Variants in FCHSD1 observed in about 807,000 individuals in gnomAD.
The protein encoded by FCHSD1 is F-BAR and double SH3 domains protein 1.
Under a neutral mutation model 101.3 loss-of-function variants are expected in FCHSD1, and 109 were observed. The ratio of observed to expected loss-of-function variants is 1.08; its 90% CI spans 0.92 to 1.26. FCHSD1 has a LOEUF of 1.26. Among genes scored for constraint, FCHSD1 ranks in the 50% most tolerant of loss-of-function variants. The pLI is 0.00. For missense variants in FCHSD1, 820 were observed against 895.8 expected (o/e 0.92, Z 1.08); for synonymous variants, 291 against 356.8 (o/e 0.82, Z 2.08).
intron 3 of FCHSD1, 134 bp from the exon 4 acceptor site, chr5:141,650,088 G>T: frequency 2.1e-6 from 2 of 961,708 alleles, no homozygotes; most frequent in Non-Finnish European, 3.1e-6. Flanking sequence ...ATGCCTTATA[G>T]TCATTAATTT....
rs146759562 is a variant in FCHSD1 at position 141,643,539 on chromosome 5, G to A, written c.1864-451C>T. On this transcript the variant is annotated intron_variant, in intron 17 of 19. Transcript: ENST00000435817. ...GATATCTTATATTGAAACACCTTCTGCATTCCACTGCACTAAAGGCTTTGC... is the reference window on the plus strand; with the variant it reads ...GATATCTTATATTGAAACACCTTCTACATTCCACTGCACTAAAGGCTTTGC... Among the ~76,000 whole-genome samples the A allele has an allele frequency of 1.7e-3, 263 of 152,294 alleles. 2 individuals carry two copies. Among genetic ancestry groups the A allele is most frequent in the African/African-American group, 6.1e-3 (252 of 41,560 alleles).
chr5:141,648,774 C>T (rs73794957), intron 7 of FCHSD1, among the ~76,000 whole-genome samples, 183 bp downstream of exon 7: 1,980 of 152,272 alleles, frequency 0.013, 39 homozygotes, highest in African/African-American at 0.046. Flanking sequence ...AGGGTATTCT[C>T]TCCATTTTAT....
chr5:141,644,759 C>T, intron 15 of FCHSD1, 69 bp from the exon 16 acceptor site: 1 of 1,606,776 alleles, frequency 6.2e-7, no homozygotes, highest in Non-Finnish European at 8.5e-7. Flanking sequence ...CTCTCTTCTA[C>T]TCAGGCTTCT....
rs758315339 is a variant in FCHSD1, at chr5:141,647,196, T to C, written c.863A>G (p.Gln288Arg). The C allele has an allele frequency of 1.9e-6, 3 of 1,609,480 alleles. No individual in the cohort carries two copies. The highest frequency in any genetic ancestry group is 3.3e-4 in the Middle Eastern group (2 of 6,052). Residue 288 changes from glutamine to arginine, a missense_variant, in exon 10 of 20, where the codon CAG (glutamine) becomes CGG (arginine). By Grantham distance (43) the Gln-to-Arg change is conservative (BLOSUM62 1). Transcript: ENST00000435817. ...GGTGGGGGAAAATACACCAGGCTCC[T>C]GAAGAAACAGCTTCAGGTCTTGCTC... ...SWEQDLKLFL[Q>R]EPGVFSPTPP...
In FCHSD1 at chr5:141,641,215, G is replaced by T. The variant is rs1216938229; in HGVS notation, c.*283C>A. The T allele has an allele frequency of 5.3e-6, 2 of 379,048 alleles. No homozygotes were observed. The highest frequency in any genetic ancestry group is 9.4e-6 in the Non-Finnish European group (2 of 212,540). The allele number at this position is 379,048 out of a possible 1,614,324, so 23.5% of individuals were successfully genotyped here. ...GCCAGAACTACTAGAGACCTTGATG[G>T]ATGGTTTCCAGCCCCAGAGATTTCA... On this transcript the variant is annotated 3_prime_UTR_variant, in exon 20 of 20. Coordinates refer to ENST00000435817, the MANE Select transcript of FCHSD1 (RefSeq NM_033449.3).
Position 141,649,268 on chromosome 5 carries a change from T to C in FCHSD1, c.416A>G (p.Gln139Arg). The change falls in exon 6 of 20, where the codon CAG (glutamine) becomes CGG (arginine). Residue 139 changes from glutamine (Q) to arginine (R), a missense_variant. Physicochemically the swap from Gln to Arg is conservative, Grantham distance 43. Coordinates refer to ENST00000435817, the MANE Select transcript of FCHSD1 (RefSeq NM_033449.3). The surrounding 1 kb of genome is among the most constrained non-coding windows in gnomAD (Gnocchi z 4.1). ...NLQRAQAEVL[Q>R]SVRELSRSRK... ...ACTTCGGCTCAGCTCCCGGACAGACTGCAGCACCTCAGCCTGCGCCCTCTG... is the reference window on the plus strand; with the variant it reads ...ACTTCGGCTCAGCTCCCGGACAGACCGCAGCACCTCAGCCTGCGCCCTCTG... 6.2e-7 allele frequency: 1 copy of C among 1,614,014 alleles called. No individual in the cohort carries two copies. Among genetic ancestry groups the C allele is most frequent in the Non-Finnish European group, 8.5e-7 (1 of 1,179,888 alleles).
chr5:141,647,368 G>T, intron 9 of FCHSD1, 30 bp downstream of exon 9: 1 of 1,577,514 alleles, frequency 6.3e-7, no homozygotes, highest in East Asian at 2.3e-5. Flanking sequence ...AAGGATCCCC[G>T]GGGAAGCTCT....
At chr5:141,648,823 C>A in intron 7 of FCHSD1, 134 bp downstream of exon 7, 1 of 989,788 alleles carries the variant, frequency 1.0e-6, no homozygotes, top group Admixed American at 2.2e-5. Flanking sequence ...GTAAATTAAC[C>A]AAGGTTACCC....
chr5:141,647,348 G>C (rs1308290960), intron 9 of FCHSD1, 50 bp downstream of exon 9: 1 of 1,573,708 alleles, frequency 6.4e-7, no homozygotes, highest in Non-Finnish European at 8.6e-7. Context: ...CATTGGGAGG[G>C]AAGGGTAAAA....
At chr5:141,650,321 C>T (rs761890460) in intron 3 of FCHSD1, 38 bp downstream of exon 3, 1 of 1,613,502 alleles carries the variant, frequency 6.2e-7, no homozygotes, top group East Asian at 2.2e-5. Context: ...ATAAGAGAGG[C>T]TGGAACAAGA....
intron 18 of FCHSD1, chr5:141,642,256 A>G (rs1356637655): frequency 1.8e-6 from 1 of 554,066 alleles, no homozygotes; most frequent in Non-Finnish European, 3.2e-6. Flanking sequence ...GAAACAGAAA[A>G]CCAAATATTG....
At position 141,647,237 on chromosome 5, in the gene FCHSD1, G is replaced by A. The variant is rs748298402; in HGVS notation, c.829-7C>T. Reference sequence around the variant, plus strand: ...GGTCTTGCTCCCAGCTTACCTAGGGGTTGGGAAAAGTCAAAGTCACTCATT... The same window carrying A: ...GGTCTTGCTCCCAGCTTACCTAGGGATTGGGAAAAGTCAAAGTCACTCATT... On this transcript the variant is annotated splice_region_variant and splice_polypyrimidine_tract_variant and intron_variant, in intron 9 of 19. Transcript: ENST00000435817. 6.3e-7 allele frequency: 1 copy of A among 1,598,736 alleles called. No individual in the cohort carries two copies. Among genetic ancestry groups the A allele is most frequent in the Non-Finnish European group, 8.5e-7 (1 of 1,172,506 alleles).
chr5:141,651,263 C>T, intron 1 of FCHSD1, 85 bp downstream of exon 1: 1 of 1,545,944 alleles, frequency 6.5e-7, no homozygotes, highest in Non-Finnish European at 8.8e-7. Context: ...TTCCGACTTC[C>T]CGTCTCCTAC....
At position 141,641,381 on chromosome 5, in the gene FCHSD1, G is replaced by T. The variant is rs1006835916; in HGVS notation, c.*117C>A. On this transcript the variant is annotated 3_prime_UTR_variant, in exon 20 of 20. Transcript: ENST00000435817. ...CAAGTTTCCACCCTTGGAGGTGAGG[G>T]TGGAAATAAGGGCGATTCCAGCTTT... The T allele has an allele frequency of 7.4e-6, 7 of 951,756 alleles. No individual in the cohort carries two copies. In the Admixed American group the frequency reaches 9.9e-5, roughly 13 times the overall value. The allele number at this position is 951,756 out of a possible 1,614,324, so 59.0% of individuals were successfully genotyped here. A position where few individuals can be genotyped will look rare whatever the true frequency, so the allele number is the denominator to read the frequency against.
In FCHSD1 at chr5:141,647,504, A is replaced by C; in HGVS notation, c.722T>G (p.Leu241Arg). 1 of 1,612,946 alleles carries C rather than the reference A, an allele frequency of 6.2e-7. No homozygotes were observed. Among genetic ancestry groups the C allele is most frequent in the Non-Finnish European group, 8.5e-7 (1 of 1,179,558 alleles). The change falls in exon 9 of 20, where the codon CTG (leucine) becomes CGG (arginine). Residue 241 changes from leucine (L) to arginine (R), a missense_variant. Physicochemically the swap from Leu to Arg is moderately radical, Grantham distance 102. Coordinates refer to ENST00000435817, the MANE Select transcript of FCHSD1 (RefSeq NM_033449.3). Reference protein sequence around the residue: ...PALLKALVSELSEHLRDPLTS... With the variant: ...PALLKALVSERSEHLRDPLTS... ...CAGGGGGTCCCTCAAGTGCTCTGAC[A>C]GCTCACTGACCAGGGCCTAGAGAGA...
rs780914093 is a variant in FCHSD1, at chr5:141,651,006, G to C, written c.119+14C>G. Reference sequence around the variant, plus strand: ...ACGAAGGTGAGTGTAAATGAAGGGGGTTGGGGGAGCTACCTGATGTCCTCC... The same window carrying C: ...ACGAAGGTGAGTGTAAATGAAGGGGCTTGGGGGAGCTACCTGATGTCCTCC... On this transcript the variant is annotated intron_variant, in intron 2 of 19. Transcript: ENST00000435817. The C allele has an allele frequency of 6.4e-7, 1 of 1,570,334 alleles. No homozygotes were observed. The highest frequency in any genetic ancestry group is 1.9e-5 in the Admixed American group (1 of 53,788).
At position 141,640,504 on chromosome 5, in the gene FCHSD1, A is replaced by T; in HGVS notation, c.*994T>A. The T allele has an allele frequency of 6.2e-7, 1 of 1,613,732 alleles. No homozygotes were observed. The highest frequency in any genetic ancestry group is 8.5e-7 in the Non-Finnish European group (1 of 1,179,820). ...CATCTTCCCATCACCTACTTAAACT[A>T]TTTAAGCCTTTCGGCTCCCTGAACC... On this transcript the variant is annotated 3_prime_UTR_variant, in exon 20 of 20. Transcript: ENST00000435817.
Position 141,651,369 on chromosome 5 carries a change from C to T in FCHSD1, c.-1G>A. On this transcript the variant is annotated 5_prime_UTR_variant, in exon 1 of 20. Coordinates refer to ENST00000435817, the MANE Select transcript of FCHSD1 (RefSeq NM_033449.3). ...TCACTTTTCGGGGCGGCGGCTGCAT[C>T]TCCGCTCCAGCAAGGCGGTCAGCCA... 1 of 1,553,324 alleles carries T rather than the reference C, an allele frequency of 6.4e-7. No homozygotes were observed. Among genetic ancestry groups the T allele is most frequent in the Non-Finnish European group, 8.7e-7 (1 of 1,148,040 alleles).
Position 141,642,991 on chromosome 5 carries a change from T to G in FCHSD1, c.1951+10A>C. 1 of 1,559,172 alleles carries G rather than the reference T, an allele frequency of 6.4e-7. No individual in the cohort carries two copies. The highest frequency in any genetic ancestry group is 8.7e-7 in the Non-Finnish European group (1 of 1,152,044). The stretch of plus-strand genomic sequence containing the variant: ...TTAGCCTCCCAAGGCTCCCAGTTCC[T>G]TCCACTCACCCCCAGGCAGGACAGG... On this transcript the variant is annotated intron_variant, in intron 18 of 19. Coordinates refer to ENST00000435817, the MANE Select transcript of FCHSD1 (RefSeq NM_033449.3).
Sources: gnomAD v4.1 joint callset for allele counts (sites outside exome capture counted in the v4.1 genomes callset) on GRCh38, gnomAD v4.1.1 for gene constraint, Gnocchi (gnomAD v3.1) non-coding constraint, MANE v1.5 for transcripts, NCBI Gene and HGNC (gene_info 2026-07-23, HGNC 2026-07-21) for gene names.